The following EML5 variants were observed in gnomAD, a reference collection of about 807,000 sequenced individuals.
EML5 encodes echinoderm microtubule-associated protein-like 5.
EML5 carries 120 observed loss-of-function variants against 250.0 expected under a neutral mutation model. The ratio of observed to expected loss-of-function variants is 0.48; its 90% CI spans 0.41 to 0.56. The LOEUF (loss-of-function observed/expected upper bound fraction) is 0.56, where lower values mean the gene tolerates loss of function less well. Ranked by LOEUF, EML5 falls within the 20% of genes least tolerant of loss-of-function variation. The pLI is 0.00. For missense variants in EML5, 2,006 were observed against 2,437.6 expected, an observed-to-expected ratio of 0.82 and a Z score of 3.73; for synonymous variants, 771 against 806.5, an observed-to-expected ratio of 0.96 and a Z score of 0.75.
intron 31 of EML5, among the ~76,000 whole-genome samples, chr14:88,641,671 C>T (rs1267881642): frequency 4.4e-4 from 67 of 152,066 alleles, no homozygotes; most frequent in Admixed American, 4.4e-3. Flanking sequence ...AAGGAACACA[C>T]CTCAAAATAA....
At chr14:88,673,997 G>A (rs1472251547) in intron 21 of EML5, among the ~76,000 whole-genome samples, 1 of 152,198 alleles carries the variant, frequency 6.6e-6, no homozygotes, top group African/African-American at 2.4e-5. Context: ...GGCTGGGTGT[G>A]GTGGCTGACA....
intron 30 of EML5, 39 bp from the exon 31 acceptor site, chr14:88,643,061 T>G: frequency 6.5e-7 from 1 of 1,527,656 alleles, no homozygotes; most frequent in Non-Finnish European, 8.7e-7. Context: ...TTCTTCCTCA[T>G]GTATAAATGT....
At chr14:88,660,121 A>AGT (rs2092027359) in intron 25 of EML5, among the ~76,000 whole-genome samples, 1 of 150,976 alleles carries the variant, frequency 6.6e-6, no homozygotes, top group African/African-American at 2.4e-5. Context: ...ACAAAAAAAA[A>AGT]TTTTTTTTTA....
intron 35 of EML5, 42 bp from the exon 36 acceptor site, chr14:88,625,169 T>C (rs760190700): frequency 9.3e-6 from 15 of 1,604,808 alleles, no homozygotes; most frequent in Non-Finnish European, 1.2e-5. Flanking sequence ...TCATCAAAAG[T>C]TCAAATAGAG....
chr14:88,780,701 A>G (rs1419683762), intron 1 of EML5, among the ~76,000 whole-genome samples: 1 of 152,072 alleles, frequency 6.6e-6, no homozygotes, highest in African/African-American at 2.4e-5. Context: ...TCAGACTCCC[A>G]AGTACCTGGG....
rs761071089 is a variant in EML5, at chr14:88,658,405, T to G, written c.3676-17A>C. On this transcript the variant is annotated splice_polypyrimidine_tract_variant and intron_variant, in intron 25 of 43. Coordinates refer to ENST00000554922, the MANE Select transcript of EML5 (RefSeq NM_183387.3). The stretch of plus-strand genomic sequence containing the variant: ...AAATTTCCCCTAAAGAGGAAGAAAA[T>G]TCAAACAATCTTTCTGAGAAATTTC... The G allele has an allele frequency of 6.4e-7, 1 of 1,554,322 alleles. No individual in the cohort carries two copies. The highest frequency in any genetic ancestry group is 1.2e-5 in the South Asian group (1 of 81,046).
intron 32 of EML5, among the ~76,000 whole-genome samples, chr14:88,635,643 T>C (rs1450475661): frequency 6.6e-6 from 1 of 152,210 alleles, no homozygotes; most frequent in Non-Finnish European, 1.5e-5. Context: ...TTAGAACTCC[T>C]TAGAGTTTGG....
intron 21 of EML5, among the ~76,000 whole-genome samples, chr14:88,668,501 A>C (rs896733915): frequency 6.6e-6 from 1 of 152,198 alleles, no homozygotes; most frequent in African/African-American, 2.4e-5. Flanking sequence ...AGAACCAGGA[A>C]GTGATCAACA....
chr14:88,650,891 T>C (rs2091589143), intron 27 of EML5, among the ~76,000 whole-genome samples: 1 of 152,188 alleles, frequency 6.6e-6, no homozygotes, highest in African/African-American at 2.4e-5. Flanking sequence ...GTCCTCCCAC[T>C]TCAGCCTCCC....
intron 33 of EML5, among the ~76,000 whole-genome samples, chr14:88,630,873 T>G (rs1019477977): frequency 6.6e-6 from 1 of 152,198 alleles, no homozygotes; most frequent in Non-Finnish European, 1.5e-5. Context: ...ACACTGTGGA[T>G]AGCAGAGCAG....
At chr14:88,735,078 C>G (rs2093818676) in intron 7 of EML5, among the ~76,000 whole-genome samples, 1 of 151,792 alleles carries the variant, frequency 6.6e-6, no homozygotes, top group African/African-American at 2.4e-5. Context: ...CAGATGAAAT[C>G]AGGGAAAAAA....
intron 28 of EML5, 25 bp downstream of exon 28, chr14:88,649,887 A>G: frequency 6.7e-7 from 1 of 1,482,802 alleles, no homozygotes; most frequent in South Asian, 1.4e-5. Context: ...TTTGAATAAA[A>G]TATTTTCTTT....
rs776923929 is a variant in EML5 at position 88,615,888 on chromosome 14, TTA to T, written c.5898-36_5898-35del. The T allele has an allele frequency of 1.9e-6, 3 of 1,596,974 alleles. No homozygotes were observed. In the East Asian group the frequency reaches 6.7e-5, roughly 36 times the overall value. On this transcript the variant is annotated intron_variant, in intron 43 of 43. Transcript: ENST00000554922. ...AGAGAAGAAAATTGCAGGGAGTTAA[TTA>T]TGTTTTTAGATTTTCATAACAGTTT...
At chr14:88,618,451 G>T in intron 40 of EML5, 120 bp from the exon 41 acceptor site, 1 of 1,099,878 alleles carries the variant, frequency 9.1e-7, no homozygotes, top group Non-Finnish European at 1.3e-6. Flanking sequence ...TATTAAGTAT[G>T]CAAAAGATCA....
At chr14:88,658,059 A>G in intron 26 of EML5, 128 bp downstream of exon 26, 1 of 909,438 alleles carries the variant, frequency 1.1e-6, no homozygotes, top group Non-Finnish European at 1.6e-6. Context: ...TTTTGATGTT[A>G]AACAGACTAA....
intron 1 of EML5, among the ~76,000 whole-genome samples, chr14:88,760,639 T>G (rs1180460252): frequency 6.6e-6 from 1 of 152,218 alleles, no homozygotes; most frequent in African/African-American, 2.4e-5. Context: ...GCTTTGGCTA[T>G]TCTAATTACT....
intron 10 of EML5, among the ~76,000 whole-genome samples, chr14:88,711,168 TA>T (rs1190636936): frequency 1.3e-5 from 2 of 151,858 alleles, no homozygotes; most frequent in African/African-American, 4.8e-5. Flanking sequence ...GACTCAGAAA[TA>T]GGGTACTTTA....
intron 19 of EML5, among the ~76,000 whole-genome samples, chr14:88,686,942 T>C (rs1472259911): frequency 6.6e-6 from 1 of 152,246 alleles, no homozygotes; most frequent in Admixed American, 6.5e-5. Context: ...ATAAATGTGA[T>C]GTTCACATGG....
chr14:88,788,012 C>A (rs1273695161), intron 1 of EML5, among the ~76,000 whole-genome samples: 1 of 152,082 alleles, frequency 6.6e-6, no homozygotes, highest in Non-Finnish European at 1.5e-5. Context: ...TGACTTTGTG[C>A]GTTTGAGCAA....
Sources: gnomAD v4.1 joint callset for allele counts (sites outside exome capture counted in the v4.1 genomes callset) on GRCh38, gnomAD v4.1.1 for gene constraint, MANE v1.5 for transcripts, NCBI Gene and HGNC (gene_info 2026-07-23, HGNC 2026-07-21) for gene names.